Variants in FOXN3 observed in about 807,000 individuals in gnomAD.
The protein encoded by FOXN3 is forkhead box N3, also known as forkhead box protein N3.
FOXN3 carries 7 observed loss-of-function variants against 38.4 expected under a neutral mutation model. The observed-to-expected ratio is 0.18, with a 90% CI of 0.10 to 0.34. FOXN3 has a LOEUF of 0.34. FOXN3 is among the 10% of genes least tolerant of loss of function. FOXN3 has a pLI of 1.00. For missense variants in FOXN3, 456 were observed against 613.4 expected (o/e 0.74, Z 2.71); for synonymous variants, 230 against 242.2 (o/e 0.95, Z 0.47).
intron 4 of FOXN3, among the ~76,000 whole-genome samples, chr14:89,190,114 A>G (rs1485521785): frequency 4.6e-5 from 7 of 152,240 alleles, no homozygotes; most frequent in African/African-American, 1.7e-4. Context: ...GGGACTCATT[A>G]AAGGATCTGT....
At chr14:89,304,475 A>T (rs1284251446) in intron 3 of FOXN3, among the ~76,000 whole-genome samples, 1 of 152,208 alleles carries the variant, frequency 6.6e-6, no homozygotes, top group Non-Finnish European at 1.5e-5. Context: ...AAGATCATAT[A>T]GAAAAGAGAA....
intron 4 of FOXN3, among the ~76,000 whole-genome samples, chr14:89,232,758 A>C (rs1884855303): frequency 6.6e-6 from 1 of 152,190 alleles, no homozygotes; most frequent in African/African-American, 2.4e-5. Flanking sequence ...ACATAATTTG[A>C]GGAAAGCTGG....
chr14:89,273,445 G>A lies in FOXN3; in HGVS notation c.745+7505C>T, dbSNP rs111778470. Among the ~76,000 whole-genome samples the A allele has an allele frequency of 1.9e-3, 292 of 152,294 alleles. 2 individuals carry two copies. The highest frequency in any genetic ancestry group is 6.5e-3 in the African/African-American group (269 of 41,560). ...AAAATGGTTACTATAGACGGGTAGC[G>A]GGAAGAGCTGAAATTAAAGTCAGAC... On this transcript the variant is annotated intron_variant, in intron 4 of 5. Coordinates refer to ENST00000557258, the MANE Select transcript of FOXN3 (RefSeq NM_005197.4).
At chr14:89,616,868 T>C (rs1896505686) in intron 1 of FOXN3, among the ~76,000 whole-genome samples, 1 of 152,218 alleles carries the variant, frequency 6.6e-6, no homozygotes, top group Non-Finnish European at 1.5e-5. Flanking sequence ...AAAAATACAG[T>C]TATGAAATCT....
intron 3 of FOXN3, among the ~76,000 whole-genome samples, chr14:89,301,121 T>C (rs1887204712): frequency 6.6e-6 from 1 of 152,198 alleles, no homozygotes; most frequent in Non-Finnish European, 1.5e-5. Context: ...TTATTTTTTA[T>C]AAAACATTTT....
intron 3 of FOXN3, among the ~76,000 whole-genome samples, chr14:89,332,249 C>A (rs191833094): frequency 3.9e-5 from 6 of 152,278 alleles, no homozygotes; most frequent in Non-Finnish European, 7.4e-5. Context: ...AACTATGACT[C>A]ACTAAGTCAA....
At position 89,180,749 on chromosome 14, in the gene FOXN3, C is replaced by T. The variant is rs774283326; in HGVS notation, c.803G>A (p.Gly268Asp). 1.4e-5 allele frequency: 23 copies of T among 1,612,534 alleles called. No homozygotes were observed. In the South Asian group the frequency reaches 2.5e-4, roughly 18 times the overall value. Reference protein sequence around the residue: ...ARVLSRGLFPGVRPLPITPIG... With the variant: ...ARVLSRGLFPDVRPLPITPIG... ...GGGAGTGATTGGCAGCGGCCGCACG[C>T]CAGGAAACAGCCCTCGGCTCAGGAC... is the stretch of plus-strand genomic sequence containing the variant. The change falls in exon 5 of 6, where the codon GGC becomes GAC. Residue 268 changes from glycine to aspartate, a missense_variant. Around this residue, in one of 3 missense-constraint regions of FOXN3, gnomAD observed 386 missense variants for 505.2 expected, o/e 0.76. Transcript: ENST00000557258.
At chr14:89,439,812 C>T (rs566870152) in intron 1 of FOXN3, among the ~76,000 whole-genome samples, 139 of 141,058 alleles carry the variant, frequency 9.9e-4, no homozygotes, top group African/African-American at 3.6e-3. Context: ...CCCGCCACCA[C>T]GCCCGGCTAA....
At chr14:89,204,111 C>T (rs1012783940) in intron 4 of FOXN3, among the ~76,000 whole-genome samples, 19 of 146,986 alleles carry the variant, frequency 1.3e-4, no homozygotes, top group African/African-American at 4.0e-4. Flanking sequence ...ACAACTACTA[C>T]TACAACCACC....
At chr14:89,581,370 T>C (rs1487677925) in intron 1 of FOXN3, among the ~76,000 whole-genome samples, 3 of 151,824 alleles carry the variant, frequency 2.0e-5, no homozygotes, top group Admixed American at 2.0e-4. Context: ...TAATCTCACC[T>C]ACTTGGGAGG....
At chr14:89,483,421 T>A (rs1388732988) in intron 1 of FOXN3, among the ~76,000 whole-genome samples, 1 of 152,132 alleles carries the variant, frequency 6.6e-6, no homozygotes, top group Admixed American at 6.5e-5. Flanking sequence ...GGGGTGTACT[T>A]TTTTTAAGAC....
chr14:89,183,259 A>G (rs1237308247), intron 4 of FOXN3, among the ~76,000 whole-genome samples: 3 of 152,190 alleles, frequency 2.0e-5, no homozygotes, highest in African/African-American at 7.2e-5. Context: ...GTCACTAGGG[A>G]TCTCAGGTAG....
At chr14:89,441,638 T>C (rs749446515) in intron 1 of FOXN3, among the ~76,000 whole-genome samples, 11 of 152,170 alleles carry the variant, frequency 7.2e-5, no homozygotes, top group Non-Finnish European at 1.5e-4. Flanking sequence ...GCTACCAGAT[T>C]GGGGTATGGA....
intron 4 of FOXN3, among the ~76,000 whole-genome samples, chr14:89,236,764 C>T (rs1884994209): frequency 1.3e-5 from 2 of 152,214 alleles, no homozygotes; most frequent in Admixed American, 1.3e-4. Flanking sequence ...ACACTTAAAG[C>T]CTCTAGTTTT....
intron 3 of FOXN3, 44 bp downstream of exon 3, chr14:89,350,628 A>G: frequency 6.9e-7 from 1 of 1,443,930 alleles, no homozygotes; most frequent in Non-Finnish European, 9.1e-7. Flanking sequence ...TGCCAAAATA[A>G]TGCCATTTCA....
chr14:89,570,823 C>T (rs548414471), intron 1 of FOXN3, among the ~76,000 whole-genome samples: 162 of 152,224 alleles, frequency 1.1e-3, no homozygotes, highest in African/African-American at 3.7e-3. Flanking sequence ...GTCTTTGGAC[C>T]TCAAGTTCAG....
At chr14:89,569,164 C>T (rs1487012725) in intron 1 of FOXN3, among the ~76,000 whole-genome samples, 1 of 152,000 alleles carries the variant, frequency 6.6e-6, no homozygotes, top group Non-Finnish European at 1.5e-5. Context: ...AAGATCGCAC[C>T]ACTGCACTCT....
rs554721429 is a variant in FOXN3 at position 89,207,442 on chromosome 14, T to C, written c.746-26636A>G. On this transcript the variant is annotated intron_variant, in intron 4 of 5. Transcript: ENST00000557258. ...AACACTATAAGGTGTGCTATTGATATTACTATAGTTGTATGTTTAAGAATC... is the reference window on the plus strand; with the variant it reads ...AACACTATAAGGTGTGCTATTGATACTACTATAGTTGTATGTTTAAGAATC... Among the ~76,000 whole-genome samples, 3 of 152,326 alleles carry C rather than the reference T, an allele frequency of 2.0e-5. 1 individual carries two copies. The South Asian group carries it at 6.2e-4, about 32-fold the overall frequency.
chr14:89,385,894 G>A (rs1890778540), intron 2 of FOXN3, among the ~76,000 whole-genome samples: 1 of 152,238 alleles, frequency 6.6e-6, no homozygotes, highest in Non-Finnish European at 1.5e-5. Flanking sequence ...AGGAGAACAA[G>A]ATGAGAACTA....
Sources: allele counts gnomAD v4.1 joint callset (sites outside exome capture counted in the v4.1 genomes callset), GRCh38; gene constraint gnomAD v4.1.1; regional missense constraint gnomAD v4.1.1; transcripts MANE v1.5; gene names NCBI Gene and HGNC (gene_info 2026-07-23, HGNC 2026-07-21).